LRRK2: variants seen among roughly 807,000 people sequenced by gnomAD.
LRRK2 encodes the protein leucine-rich repeat serine/threonine-protein kinase 2.
Under a neutral mutation model 302.6 loss-of-function variants are expected in LRRK2, and 203 were observed. The observed-to-expected ratio is 0.67, with a 90% CI of 0.60 to 0.75. The LOEUF is 0.75. Among genes scored for constraint, LRRK2 ranks in the 30% least tolerant of loss-of-function variants. LRRK2 has a pLI of 0.00. For synonymous variants in LRRK2, 1,066 were observed against 1,031.9 expected (o/e 1.03, Z -0.63); for missense variants, 2,830 against 2,951.0 (o/e 0.96, Z 0.95).
intron 3 of LRRK2, among the ~76,000 whole-genome samples, chr12:40,233,218 AAAAC>A (rs759810380): frequency 3.9e-5 from 6 of 152,218 alleles, no homozygotes; most frequent in East Asian, 3.8e-4. Flanking sequence ...CTCTGTCTCA[AAAAC>A]AAACAAACAA....
At chr12:40,347,925 C>T (rs1472468707) in intron 42 of LRRK2, among the ~76,000 whole-genome samples, 1 of 150,578 alleles carries the variant, frequency 6.6e-6, no homozygotes, top group Non-Finnish European at 1.5e-5. Flanking sequence ...CCACTGCACT[C>T]CAGCCTAAGC....
intron 42 of LRRK2, among the ~76,000 whole-genome samples, chr12:40,348,014 A>G (rs575868003): frequency 1.3e-5 from 2 of 152,302 alleles, no homozygotes; most frequent in Admixed American, 6.5e-5. Context: ...CGCCTCTTAT[A>G]AAAAACAAAT....
chr12:40,363,226 G>A (rs995764764), intron 47 of LRRK2, among the ~76,000 whole-genome samples, 176 bp from the exon 48 acceptor site: 1 of 151,978 alleles, frequency 6.6e-6, no homozygotes, highest in Non-Finnish European at 1.5e-5. Context: ...ACCAAAGCAT[G>A]TTATATATTC....
chr12:40,330,555 T>A (rs1422561430), intron 39 of LRRK2, among the ~76,000 whole-genome samples: 1 of 152,144 alleles, frequency 6.6e-6, no homozygotes, highest in Non-Finnish European at 1.5e-5. Flanking sequence ...TTGTGAAAAA[T>A]TGTCTTCTGT....
chr12:40,286,091 A>G (rs144768991), intron 19 of LRRK2, among the ~76,000 whole-genome samples: 9 of 152,016 alleles, frequency 5.9e-5, no homozygotes, highest in South Asian at 4.1e-4. Context: ...ATCATTCACT[A>G]TATTCTCTTT....
At chr12:40,334,859 A>G (rs1393309176) in intron 39 of LRRK2, 108 bp from the exon 40 acceptor site, 6 of 1,216,942 alleles carry the variant, frequency 4.9e-6, no homozygotes, top group East Asian at 2.3e-5. Flanking sequence ...GCTATGATCC[A>G]GTCATACAGA....
rs932927626 is a variant in LRRK2 at position 40,298,165 on chromosome 12, T to C, written c.3097-78T>C. On this transcript the variant is annotated intron_variant, in intron 23 of 50. Transcript: ENST00000298910. Reference sequence around the variant, plus strand: ...TCTTGATGGTTCTAGTTACCAGAGGTGTGTAAGGCAGAAATATTAGCTAGA... The same window carrying C: ...TCTTGATGGTTCTAGTTACCAGAGGCGTGTAAGGCAGAAATATTAGCTAGA... 7 of 1,430,304 alleles carry C rather than the reference T, an allele frequency of 4.9e-6. No individual in the cohort carries two copies. The Admixed American group carries it at 6.9e-5, about 14-fold the overall frequency. 88.6% of individuals were successfully genotyped at this position (1,430,304 alleles called of 1,614,324 possible).
chr12:40,282,815 C>G (rs1943764593), intron 18 of LRRK2, among the ~76,000 whole-genome samples: 1 of 152,062 alleles, frequency 6.6e-6, no homozygotes, highest in Non-Finnish European at 1.5e-5. Context: ...AAAATTGTCC[C>G]CAACATCTTT....
At position 40,240,541 on chromosome 12, in the gene LRRK2, TGC is replaced by T; in HGVS notation, c.632_633del (p.Ala211ValfsTer5). ...ENKDYMILLSALTNFKDEEEI... is the reference protein window; with the variant it reads ...ENKDYMILLSXLTNFKDEEEI... ...ACAAAGATTATATGATATTGTTAAGTGCGTTAACAAATTTTAAAGATGAAGAG... is the reference window on the plus strand; with the variant it reads ...ACAAAGATTATATGATATTGTTAAGTGTTAACAAATTTTAAAGATGAAGAG... On this transcript the variant is annotated frameshift_variant, in exon 6 of 51. Coordinates refer to ENST00000298910, the MANE Select transcript of LRRK2 (RefSeq NM_198578.4). LOFTEE classifies it high-confidence loss of function. 1.2e-6 allele frequency: 2 copies of T among 1,612,440 alleles called. No homozygotes were observed. The highest frequency in any genetic ancestry group is 1.7e-6 in the Non-Finnish European group (2 of 1,178,724).
chr12:40,357,317 T>G (rs1215806349), intron 46 of LRRK2, among the ~76,000 whole-genome samples: 1 of 152,194 alleles, frequency 6.6e-6, no homozygotes, highest in Non-Finnish European at 1.5e-5. Context: ...AATACACACA[T>G]TTTCTTTATG....
intron 38 of LRRK2, among the ~76,000 whole-genome samples, chr12:40,326,271 T>A (rs1398845053): frequency 6.6e-6 from 1 of 152,034 alleles, no homozygotes; most frequent in Non-Finnish European, 1.5e-5. Flanking sequence ...GAGACCATCC[T>A]GGCTAACACG....
chr12:40,335,221 T>C (rs1315665294), intron 40 of LRRK2, 64 bp downstream of exon 40: 1 of 1,529,708 alleles, frequency 6.5e-7, no homozygotes, highest in Middle Eastern at 1.7e-4. Flanking sequence ...TGCTCTCAGG[T>C]TCTGAGAACA....
chr12:40,274,777 A>G, intron 15 of LRRK2, 50 bp downstream of exon 15: 1 of 1,611,626 alleles, frequency 6.2e-7, no homozygotes, highest in Non-Finnish European at 8.5e-7. Flanking sequence ...GTAGGGCATT[A>G]GCTGGTGACT....
At chr12:40,364,578 A>G (rs1200913073) in intron 48 of LRRK2, among the ~76,000 whole-genome samples, 3 of 151,320 alleles carry the variant, frequency 2.0e-5, no homozygotes, top group Non-Finnish European at 2.9e-5. Context: ...TAGCTTTGGT[A>G]TTTATAAAAA....
intron 7 of LRRK2, 31 bp downstream of exon 7, chr12:40,243,712 A>AT: frequency 6.3e-7 from 1 of 1,594,062 alleles, no homozygotes; most frequent in South Asian, 1.1e-5. Context: ...GTCATCACAC[A>AT]CTGTATGATA....
At position 40,278,072 on chromosome 12, in the gene LRRK2, T is replaced by C. The variant is rs1418898344; in HGVS notation, c.2071-19T>C. On this transcript the variant is annotated intron_variant, in intron 17 of 50. Transcript: ENST00000298910. ...TTATGTATTTATCTGACTCTAATTC[T>C]CATTTCCACTCTTTTTAGTTTCTAA... The C allele has an allele frequency of 3.1e-6, 5 of 1,613,864 alleles. No homozygotes were observed. The highest frequency in any genetic ancestry group is 3.4e-6 in the Non-Finnish European group (4 of 1,179,988).
rs369661571 is a variant in LRRK2 at position 40,308,641 on chromosome 12, C to T, written c.4134C>T (p.Ile1378=). Reference sequence around the variant, plus strand: ...GCATAGATGTGAAAGACTGGCCTATCCAAATAAGAGACAAAAGAAAGAGAG... The same window carrying T: ...GCATAGATGTGAAAGACTGGCCTATTCAAATAAGAGACAAAAGAAAGAGAG... ...TVGIDVKDWP[I]QIRDKRKRDL... is the part of the protein sequence containing the mutation. The change falls in exon 29 of 51, where the codon ATC becomes ATT. Residue 1378 remains isoleucine, a synonymous_variant. Coordinates refer to ENST00000298910, the MANE Select transcript of LRRK2 (RefSeq NM_198578.4). The T allele has an allele frequency of 1.3e-5, 21 of 1,613,802 alleles. No individual in the cohort carries two copies. Among genetic ancestry groups the T allele is most frequent in the Non-Finnish European group, 1.8e-5 (21 of 1,179,938 alleles).
rs759641302 is a variant in LRRK2, at chr12:40,301,072, C to A, written c.3497-1717C>A. On this transcript the variant is annotated intron_variant, in intron 25 of 50. Transcript: ENST00000298910. ...TTTGTGTGATGCTTACAGGTGCATA[C>A]AATTAATTATCTTGTTGTGAAAGTT... 2.2e-5 allele frequency: 10 copies of A among 457,712 alleles called. No homozygotes were observed. In the East Asian group the frequency reaches 3.5e-4, roughly 16 times the overall value. The allele number at this position is 457,712 out of a possible 1,614,324, so 28.4% of individuals were successfully genotyped here. A position where few individuals can be genotyped will look rare whatever the true frequency, so the allele number is the denominator to read the frequency against.
chr12:40,342,009 T>G (rs1332484116), intron 41 of LRRK2, among the ~76,000 whole-genome samples: 1 of 152,232 alleles, frequency 6.6e-6, no homozygotes, highest in Non-Finnish European at 1.5e-5. Flanking sequence ...TCTTGAAAGA[T>G]CTGCTCATTT....
Sources: allele counts gnomAD v4.1 joint callset (sites outside exome capture counted in the v4.1 genomes callset), GRCh38; gene constraint gnomAD v4.1.1; transcripts MANE v1.5; gene names NCBI Gene and HGNC (gene_info 2026-07-23, HGNC 2026-07-21).